ADAMTS20: variants seen among roughly 807,000 people sequenced by gnomAD.
The protein encoded by ADAMTS20 is ADAM metallopeptidase with thrombospondin type 1 motif 20.
ADAMTS20 carries 225 observed loss-of-function variants against 260.1 expected under a neutral mutation model. That is an observed-to-expected ratio of 0.87 (90% CI 0.78 to 0.97). ADAMTS20 has a LOEUF of 0.97. ADAMTS20 is among the 50% of genes least tolerant of loss of function. ADAMTS20 has a pLI of 0.00. For missense variants in ADAMTS20, 2,400 were observed against 2,337.7 expected, an observed-to-expected ratio of 1.03 and a Z score of -0.55; for synonymous variants, 802 against 769.5, an observed-to-expected ratio of 1.04 and a Z score of -0.70.
intron 11 of ADAMTS20, among the ~76,000 whole-genome samples, chr12:43,456,026 T>A (rs2137360473): frequency 6.6e-6 from 1 of 152,346 alleles, no homozygotes; most frequent in South Asian, 2.1e-4. Context: ...TCTTTGGGTA[T>A]ATATCCAGAA....
At chr12:43,466,544 A>T in intron 9 of ADAMTS20, 108 bp downstream of exon 9, 1 of 1,032,652 alleles carries the variant, frequency 9.7e-7, no homozygotes, top group Non-Finnish European at 1.4e-6. Flanking sequence ...AAGTAAACAT[A>T]AATTTAAACA....
At chr12:43,406,489 A>G (rs1050584231) in intron 28 of ADAMTS20, among the ~76,000 whole-genome samples, 1 of 152,118 alleles carries the variant, frequency 6.6e-6, no homozygotes, top group South Asian at 2.1e-4. Context: ...ATGAAACAAC[A>G]TATTAAATCA....
intron 37 of ADAMTS20, among the ~76,000 whole-genome samples, chr12:43,357,175 C>T (rs1939764574): frequency 6.6e-6 from 1 of 152,060 alleles, no homozygotes; most frequent in Non-Finnish European, 1.5e-5. Context: ...TAAATATTAA[C>T]TGAGAAAATG....
At chr12:43,430,950 T>C (rs369444650) in intron 22 of ADAMTS20, among the ~76,000 whole-genome samples, 2 of 152,354 alleles carry the variant, frequency 1.3e-5, no homozygotes, top group East Asian at 1.9e-4. Context: ...TCCAGCCTGA[T>C]CATTGCTCAT....
intron 28 of ADAMTS20, among the ~76,000 whole-genome samples, chr12:43,414,013 C>A (rs1407744509): frequency 6.6e-6 from 1 of 152,094 alleles, no homozygotes; most frequent in African/African-American, 2.4e-5. Context: ...TATTTTTATC[C>A]TCCATATCTA....
At chr12:43,546,694 T>G (rs9634256) in intron 2 of ADAMTS20, among the ~76,000 whole-genome samples, 65,251 of 152,064 alleles carry the variant, frequency 0.43, 14,300 homozygotes, top group East Asian at 0.56. Flanking sequence ...TAACTATACA[T>G]GTTATGAGAT....
At chr12:43,392,712 C>A (rs1035740538) in intron 29 of ADAMTS20, among the ~76,000 whole-genome samples, 3 of 152,070 alleles carry the variant, frequency 2.0e-5, no homozygotes, top group Non-Finnish European at 2.9e-5. Flanking sequence ...ATCTCCCGAA[C>A]ACATTTGGCA....
At chr12:43,483,114 G>A (rs140479882) in intron 7 of ADAMTS20, among the ~76,000 whole-genome samples, 174 of 152,262 alleles carry the variant, frequency 1.1e-3, no homozygotes, top group African/African-American at 3.8e-3. Context: ...ACCTCCATCA[G>A]AGCTGGTACT....
At chr12:43,451,804 A>G (rs1293985801) in intron 14 of ADAMTS20, among the ~76,000 whole-genome samples, 1 of 152,126 alleles carries the variant, frequency 6.6e-6, no homozygotes, top group East Asian at 1.9e-4. Context: ...CTTGAACAGT[A>G]TCTGACATCT....
In ADAMTS20 at chr12:43,375,430, A is replaced by G. The variant is rs1203985447; in HGVS notation, c.5395T>C (p.Tyr1799His). 1.5e-5 allele frequency: 25 copies of G among 1,613,508 alleles called. No individual in the cohort carries two copies. The highest frequency in any genetic ancestry group is 2.1e-5 in the Non-Finnish European group (25 of 1,179,612). ...ECDNGHLAAGYTVFSKIRIDL... is the reference protein window; with the variant it reads ...ECDNGHLAAGHTVFSKIRIDL... ...ATTCTTATTTTGCTGAAAACAGTGT[A>G]TCCAGCAGCTAAGTGTCCATTGTCA... Residue 1799 changes from tyrosine to histidine, a missense_variant, in exon 36 of 39, where the codon TAC (tyrosine) becomes CAC (histidine). Transcript: ENST00000389420.
At position 43,405,229 on chromosome 12, in the gene ADAMTS20, CAA is replaced by C. The variant is rs869040570; in HGVS notation, c.4285-5998_4285-5997del. Among the ~76,000 whole-genome samples the C allele has an allele frequency of 4.5e-4, 24 of 52,760 alleles. 1 individual carries two copies. The highest frequency in any genetic ancestry group is 1.5e-3 in the East Asian group (3 of 2,022). 34.6% of individuals were successfully genotyped at this position (52,760 alleles called of 152,430 possible). A position where few individuals can be genotyped will look rare whatever the true frequency, so the allele number is the denominator to read the frequency against. On this transcript the variant is annotated intron_variant, in intron 28 of 38. Coordinates refer to ENST00000389420, the MANE Select transcript of ADAMTS20 (RefSeq NM_025003.5). ...GTAACAAAATGAGACCTCATCTCTACAAAAAAAAAAAAAAAAAAAAAAAAAAA... is the reference window on the plus strand; with the variant it reads ...GTAACAAAATGAGACCTCATCTCTACAAAAAAAAAAAAAAAAAAAAAAAAA...
rs1043772602 is a variant in ADAMTS20 at position 43,454,125 on chromosome 12, G to C, written c.1615-73C>G. On this transcript the variant is annotated intron_variant, in intron 11 of 38. Coordinates refer to ENST00000389420, the MANE Select transcript of ADAMTS20 (RefSeq NM_025003.5). Reference sequence around the variant, plus strand: ...GAACATCACAAAAATTATAATAGCAGCATAAAGATCAACAGAAGAACAAAC... The same window carrying C: ...GAACATCACAAAAATTATAATAGCACCATAAAGATCAACAGAAGAACAAAC... The C allele has an allele frequency of 4.6e-6, 7 of 1,507,990 alleles. No homozygotes were observed. The African/African-American group carries it at 9.8e-5, about 21-fold the overall frequency. The allele number at this position is 1,507,990 out of a possible 1,614,324, so 93.4% of individuals were successfully genotyped here. A position where few individuals can be genotyped will look rare whatever the true frequency, so the allele number is the denominator to read the frequency against.
intron 36 of ADAMTS20, among the ~76,000 whole-genome samples, chr12:43,373,323 T>G (rs2137205953): frequency 6.6e-6 from 1 of 152,344 alleles, no homozygotes; most frequent in African/African-American, 2.4e-5. Context: ...TGAGTGTCTA[T>G]TAGAAACTTA....
At chr12:43,453,767 G>A (rs1941912505) in intron 12 of ADAMTS20, 140 bp downstream of exon 12, 2 of 758,484 alleles carry the variant, frequency 2.6e-6, no homozygotes, top group Admixed American at 3.6e-5. Context: ...ATAAATCAAT[G>A]TGACTTAAAG....
chr12:43,502,423 A>C lies in ADAMTS20; in HGVS notation c.614-18T>G. Reference sequence around the variant, plus strand: ...TTGACTTTCTAGGGAGAAAAAAAGAATATAATGCAGAGCCATTAAATTGGA... The same window carrying C: ...TTGACTTTCTAGGGAGAAAAAAAGACTATAATGCAGAGCCATTAAATTGGA... On this transcript the variant is annotated intron_variant, in intron 3 of 38. Transcript: ENST00000389420. The C allele has an allele frequency of 2.5e-6, 4 of 1,573,052 alleles. No homozygotes were observed. The highest frequency in any genetic ancestry group is 3.4e-6 in the Non-Finnish European group (4 of 1,169,994).
intron 29 of ADAMTS20, among the ~76,000 whole-genome samples, chr12:43,386,328 C>T (rs1940476681): frequency 6.6e-6 from 1 of 152,164 alleles, no homozygotes; most frequent in Admixed American, 6.5e-5. Context: ...TCTCTTCTGG[C>T]TTGTAGGGTT....
In ADAMTS20 at chr12:43,532,144, T is replaced by C; in HGVS notation, c.505A>G (p.Lys169Glu). The part of the protein sequence containing the change: ...NGEYFLEPIM[K>E]ADGNEYEDGH... ...TCTTCATATTCATTCCCATCTGCCTTCATTATAGGTTCTAAGAAATATTCA... is the reference window on the plus strand; with the variant it reads ...TCTTCATATTCATTCCCATCTGCCTCCATTATAGGTTCTAAGAAATATTCA... The change falls in exon 3 of 39, where the codon AAG becomes GAG. Residue 169 changes from lysine (K) to glutamate (E), a missense_variant. Transcript: ENST00000389420. 1 of 1,612,196 alleles carries C rather than the reference T, an allele frequency of 6.2e-7. No homozygotes were observed.
chr12:43,427,389 G>C lies in ADAMTS20; in HGVS notation c.4026C>G (p.Cys1342Trp). ...ACTCTGGAGGCTTGGAGGCTGCATC[G>C]CAGTAACTAGCACTTTGTCCATTTT... The part of the protein sequence containing the change: ...QDENGQSASY[C>W]DAASKPPELQ... Residue 1342 changes from cysteine to tryptophan, a missense_variant, in exon 27 of 39, where the codon TGC (cysteine) becomes TGG (tryptophan). Transcript: ENST00000389420. The C allele has an allele frequency of 6.2e-7, 1 of 1,613,812 alleles. No homozygotes were observed. Among genetic ancestry groups the C allele is most frequent in the African/African-American group, 1.3e-5 (1 of 75,010 alleles).
At chr12:43,523,432 G>C (rs1406822434) in intron 3 of ADAMTS20, among the ~76,000 whole-genome samples, 1 of 152,110 alleles carries the variant, frequency 6.6e-6, no homozygotes, top group Non-Finnish European at 1.5e-5. Context: ...CCTCAAGTGG[G>C]GAAGAACTCC....
Sources: allele counts gnomAD v4.1 joint callset (sites outside exome capture counted in the v4.1 genomes callset), GRCh38; gene constraint gnomAD v4.1.1; transcripts MANE v1.5; gene names NCBI Gene and HGNC (gene_info 2026-07-23, HGNC 2026-07-21).